EPB41L2: variants seen among roughly 807,000 people sequenced by gnomAD.
The protein encoded by EPB41L2 is erythrocyte membrane protein band 4.1 like 2.
A neutral mutation model predicts 113.0 loss-of-function variants in EPB41L2; 43 were observed. That is an observed-to-expected ratio of 0.38 (90% confidence interval 0.30 to 0.49). The LOEUF is 0.49. EPB41L2 is among the 20% of genes least tolerant of loss of function. The pLI is 0.95. For missense variants in EPB41L2, 1,147 were observed against 1,223.4 expected (o/e 0.94, Z 0.93); for synonymous variants, 442 against 436.7 (o/e 1.01, Z -0.15).
At chr6:130,927,871 T>C (rs1267174904) in intron 3 of EPB41L2, among the ~76,000 whole-genome samples, 1 of 152,124 alleles carries the variant, frequency 6.6e-6, no homozygotes, top group Admixed American at 6.6e-5. Flanking sequence ...GGCAGGCATA[T>C]CTCTTGAGCT....
intron 19 of EPB41L2, 72 bp downstream of exon 19, chr6:130,858,059 T>TC: frequency 8.4e-7 from 1 of 1,192,440 alleles, no homozygotes; most frequent in Non-Finnish European, 1.3e-6. Flanking sequence ...AACTTTCATT[T>TC]CACATCCTTT....
intron 4 of EPB41L2, among the ~76,000 whole-genome samples, chr6:130,911,335 C>G (rs527282513): frequency 6.6e-6 from 1 of 151,906 alleles, no homozygotes; most frequent in African/African-American, 2.4e-5. Flanking sequence ...CACATGGACA[C>G]GGAGAGGGGA....
intron 1 of EPB41L2, among the ~76,000 whole-genome samples, chr6:131,060,322 T>C (rs1224811966): frequency 6.6e-6 from 1 of 152,130 alleles, no homozygotes; most frequent in African/African-American, 2.4e-5. Context: ...ATGAGAGGGG[T>C]GATTCAGGGC....
intron 4 of EPB41L2, among the ~76,000 whole-genome samples, chr6:130,922,986 T>C (rs1803383580): frequency 6.6e-6 from 1 of 152,200 alleles, no homozygotes; most frequent in South Asian, 2.1e-4. Flanking sequence ...CCGTAAGTTA[T>C]TGAACCTAAA....
intron 1 of EPB41L2, among the ~76,000 whole-genome samples, chr6:131,042,603 T>G (rs977728183): frequency 6.6e-5 from 10 of 152,170 alleles, no homozygotes; most frequent in African/African-American, 2.4e-4. Context: ...CATAAATTGG[T>G]TGCTTTCTGA....
At chr6:130,980,277 C>T (rs1392694997) in intron 1 of EPB41L2, among the ~76,000 whole-genome samples, 1 of 151,802 alleles carries the variant, frequency 6.6e-6, no homozygotes, top group East Asian at 1.9e-4. Context: ...GTAATAACTA[C>T]AAAAAGTCTA....
At chr6:130,948,967 G>A (rs1813877454) in intron 3 of EPB41L2, among the ~76,000 whole-genome samples, 1 of 152,124 alleles carries the variant, frequency 6.6e-6, no homozygotes, top group South Asian at 2.1e-4. Context: ...CTTATTAACT[G>A]ATAAACTAAG....
intron 1 of EPB41L2, chr6:131,062,662 T>C (rs1798910360): frequency 1.3e-5 from 2 of 151,704 alleles, no homozygotes; most frequent in Non-Finnish European, 2.9e-5. Flanking sequence ...ACCTTCCTCC[T>C]GAAGGGCGAC....
At chr6:130,851,873 CCT>C (rs772156852) in intron 19 of EPB41L2, among the ~76,000 whole-genome samples, 60 of 152,306 alleles carry the variant, frequency 3.9e-4, no homozygotes, top group Admixed American at 1.3e-3. Flanking sequence ...TTCTTTATGG[CCT>C]CTGTTTCCCA....
intron 19 of EPB41L2, among the ~76,000 whole-genome samples, chr6:130,849,676 G>A (rs1778186867): frequency 6.6e-6 from 1 of 152,150 alleles, no homozygotes; most frequent in Non-Finnish European, 1.5e-5. Flanking sequence ...CAAATTATAT[G>A]TGTGTGTCTG....
At chr6:130,985,525 G>A (rs1194906637) in intron 1 of EPB41L2, among the ~76,000 whole-genome samples, 5 of 152,154 alleles carry the variant, frequency 3.3e-5, no homozygotes, top group Non-Finnish European at 7.3e-5. Context: ...TGAATGTGAC[G>A]TCTCCTGCAG....
chr6:131,011,194 C>A (rs1786868549), intron 1 of EPB41L2, among the ~76,000 whole-genome samples: 1 of 152,198 alleles, frequency 6.6e-6, no homozygotes, highest in South Asian at 2.1e-4. Context: ...TGAGAACTAT[C>A]TACAGAAAGC....
At chr6:130,918,423 C>A (rs1208490221) in intron 4 of EPB41L2, among the ~76,000 whole-genome samples, 2 of 152,030 alleles carry the variant, frequency 1.3e-5, no homozygotes, top group African/African-American at 2.4e-5. Context: ...TAAAGAGAGT[C>A]CAAAACCCTT....
In EPB41L2 at chr6:130,926,691, C is replaced by CTTG; in HGVS notation, c.721_723dup (p.Gln241dup). The CTTG allele has an allele frequency of 6.2e-7, 1 of 1,603,622 alleles. No homozygotes were observed. The highest frequency in any genetic ancestry group is 8.5e-7 in the Non-Finnish European group (1 of 1,177,370). ...TGTTCACACACTTTGTCAAATAACA[C>CTTG]TTGTCCCTTGGCATGTTTCTGGAGA... On this transcript the variant is annotated inframe_insertion, in exon 4 of 20. Coordinates refer to ENST00000337057, the MANE Select transcript of EPB41L2 (RefSeq NM_001431.4).
Position 130,894,455 on chromosome 6 carries a change from GTAAA to G in EPB41L2, c.1390-18_1390-15del. 6.2e-7 allele frequency: 1 copy of G among 1,609,180 alleles called. No homozygotes were observed. Among genetic ancestry groups the G allele is most frequent in the South Asian group, 1.1e-5 (1 of 90,968 alleles). On this transcript the variant is annotated splice_polypyrimidine_tract_variant and intron_variant, in intron 9 of 19. Coordinates refer to ENST00000337057, the MANE Select transcript of EPB41L2 (RefSeq NM_001431.4). ...AAACTGTTCCAGCTGGAATAAATCC[GTAAA>G]ACAAATCAGCATATTTCCTTAAGAA...
chr6:130,852,736 C>T (rs931121151), intron 19 of EPB41L2, among the ~76,000 whole-genome samples: 1 of 152,198 alleles, frequency 6.6e-6, no homozygotes, highest in African/African-American at 2.4e-5. Flanking sequence ...GTTTAGCCTC[C>T]TCAGCTTGGC....
intron 3 of EPB41L2, among the ~76,000 whole-genome samples, chr6:130,940,711 TG>T (rs1459657302): frequency 6.6e-6 from 1 of 152,096 alleles, no homozygotes; most frequent in Non-Finnish European, 1.5e-5. Context: ...AAGTGTGATC[TG>T]CCCGCCTCGG....
chr6:131,006,210 C>T (rs1055315277), intron 1 of EPB41L2, among the ~76,000 whole-genome samples: 3 of 151,796 alleles, frequency 2.0e-5, no homozygotes, highest in African/African-American at 7.3e-5. Context: ...GCACCCACCA[C>T]CACACTAGGG....
At chr6:130,888,648 T>C (rs3777442) in intron 11 of EPB41L2, among the ~76,000 whole-genome samples, 63,132 of 152,086 alleles carry the variant, frequency 0.42, 15,487 homozygotes, top group Non-Finnish European at 0.52. Flanking sequence ...AGTGACTGCA[T>C]TTATTCGGCA....
Sources: gnomAD v4.1 joint callset for allele counts (sites outside exome capture counted in the v4.1 genomes callset) on GRCh38, gnomAD v4.1.1 for gene constraint, MANE v1.5 for transcripts, NCBI Gene and HGNC (gene_info 2026-07-23, HGNC 2026-07-21) for gene names.